Variants in SYNE1 observed in about 807,000 individuals in gnomAD.
SYNE1 encodes spectrin repeat containing nuclear envelope protein 1.
In SYNE1, 616 loss-of-function variants were observed where a neutral mutation model predicts 1,111.0. The ratio of observed to expected loss-of-function variants is 0.55; its 90% CI spans 0.52 to 0.59. The LOEUF is 0.59. Among genes scored for constraint, SYNE1 ranks in the 20% least tolerant of loss-of-function variants. SYNE1 has a pLI of 0.00. For synonymous variants in SYNE1, 3,855 were observed against 3,825.8 expected, an observed-to-expected ratio of 1.01 and a Z score of -0.28; for missense variants, 10,006 against 10,417.0, an observed-to-expected ratio of 0.96 and a Z score of 1.72.
chr6:152,213,798 T>G (rs1181076504), intron 122 of SYNE1, 39 bp from the exon 123 acceptor site: 1 of 1,613,496 alleles, frequency 6.2e-7, no homozygotes, highest in African/African-American at 1.3e-5. Flanking sequence ...GTTATTTCAC[T>G]GCTTATTCTT....
At chr6:152,482,722 T>C (rs2098914602) in intron 14 of SYNE1, among the ~76,000 whole-genome samples, 2 of 152,066 alleles carry the variant, frequency 1.3e-5, no homozygotes, top group African/African-American at 4.8e-5. Context: ...TGCCTTCCTT[T>C]GAGAATGGAG....
intron 11 of SYNE1, among the ~76,000 whole-genome samples, chr6:152,495,370 C>T (rs1208530192): frequency 3.9e-5 from 6 of 152,202 alleles, no homozygotes; most frequent in African/African-American, 1.2e-4. Flanking sequence ...TTTAGCCTCC[C>T]GCTCTACCCA....
At chr6:152,488,610 A>G (rs980809917) in intron 11 of SYNE1, 107 bp from the exon 12 acceptor site, 1 of 679,352 alleles carries the variant, frequency 1.5e-6, no homozygotes, top group Non-Finnish European at 2.5e-6. Flanking sequence ...GTAAGTCCCA[A>G]CTGTCTCTGA....
chr6:152,347,392 T>A (rs961406722), intron 72 of SYNE1, among the ~76,000 whole-genome samples, 157 bp from the exon 73 acceptor site: 9 of 152,260 alleles, frequency 5.9e-5, no homozygotes, highest in Admixed American at 2.6e-4. Flanking sequence ...AAAGCACATG[T>A]ATGTTTTCAG....
At chr6:152,598,461 G>T (rs1410409994) in intron 3 of SYNE1, among the ~76,000 whole-genome samples, 4 of 152,154 alleles carry the variant, frequency 2.6e-5, no homozygotes, top group African/African-American at 9.7e-5. Flanking sequence ...TACAGAAACT[G>T]AATATACACA....
At chr6:152,406,939 A>G in intron 45 of SYNE1, 75 bp downstream of exon 45, 1 of 1,182,676 alleles carries the variant, frequency 8.5e-7, no homozygotes, top group Non-Finnish European at 1.1e-6. Flanking sequence ...AACTTTTAAG[A>G]AAGACTTTTT....
chr6:152,552,813 C>G (rs1215713118), intron 3 of SYNE1, among the ~76,000 whole-genome samples: 1 of 152,132 alleles, frequency 6.6e-6, no homozygotes, highest in Non-Finnish European at 1.5e-5. Flanking sequence ...TGCTTCAGAT[C>G]TAGCGTGGCG....
intron 136 of SYNE1, among the ~76,000 whole-genome samples, chr6:152,149,001 T>C (rs718527): frequency 0.59 from 89,339 of 151,868 alleles, 26,595 homozygotes; most frequent in East Asian, 0.69. Context: ...ATTAGGAAAA[T>C]GGAAGAATGA....
chr6:152,163,366 G>A (rs1361202439), intron 131 of SYNE1, among the ~76,000 whole-genome samples: 1 of 152,108 alleles, frequency 6.6e-6, no homozygotes, highest in Non-Finnish European at 1.5e-5. Context: ...AGGCATGGTG[G>A]TGCATGCCTG....
chr6:152,160,264 C>A (rs1470414361), intron 131 of SYNE1, among the ~76,000 whole-genome samples: 1 of 151,554 alleles, frequency 6.6e-6, no homozygotes, highest in Non-Finnish European at 1.5e-5. Flanking sequence ...ATTTTACAAT[C>A]CTCTCTCTCT....
intron 32 of SYNE1, among the ~76,000 whole-genome samples, chr6:152,440,192 T>C (rs1433739057): frequency 6.6e-6 from 1 of 152,162 alleles, no homozygotes; most frequent in Non-Finnish European, 1.5e-5. Flanking sequence ...TTAACTCCCA[T>C]ATGCCCATAT....
At chr6:152,131,354 A>G in intron 144 of SYNE1, among the ~76,000 whole-genome samples, 1 of 152,026 alleles carries the variant, frequency 6.6e-6, no homozygotes, top group African/African-American at 2.4e-5. Flanking sequence ...AATCCTAAAA[A>G]AGATAATACA....
At chr6:152,145,070 C>T (rs1319759388) in intron 137 of SYNE1, 2 of 287,348 alleles carry the variant, frequency 7.0e-6, no homozygotes, top group Admixed American at 4.7e-5. Flanking sequence ...CCAAAGGTCA[C>T]TCATGCAGGC....
chr6:152,449,477 C>T, intron 28 of SYNE1, 56 bp downstream of exon 28: 2 of 1,271,018 alleles, frequency 1.6e-6, no homozygotes, highest in Non-Finnish European at 2.3e-6. Context: ...GATTCTCTAA[C>T]ATTATTCTTC....
At chr6:152,222,377 T>C (rs1471647332) in intron 117 of SYNE1, among the ~76,000 whole-genome samples, 2 of 152,198 alleles carry the variant, frequency 1.3e-5, no homozygotes, top group East Asian at 1.9e-4. Flanking sequence ...GTGGATCTCT[T>C]TGACACTCAA....
At chr6:152,338,302 C>T (rs1261474630) in intron 75 of SYNE1, among the ~76,000 whole-genome samples, 2 of 151,726 alleles carry the variant, frequency 1.3e-5, no homozygotes, top group African/African-American at 4.8e-5. Context: ...AATTAAATAC[C>T]AAAACTAAGT....
chr6:152,492,499 C>A (rs747818850), intron 11 of SYNE1, among the ~76,000 whole-genome samples: 12 of 152,206 alleles, frequency 7.9e-5, no homozygotes, highest in Non-Finnish European at 1.5e-5. Context: ...TGCTGGAAAT[C>A]TGGCCACTGG....
chr6:152,391,789 G>C (rs557195920), intron 51 of SYNE1, among the ~76,000 whole-genome samples: 21 of 152,192 alleles, frequency 1.4e-4, no homozygotes, highest in Admixed American at 9.2e-4. Flanking sequence ...CATTCAGTCT[G>C]TGCTGTGCCT....
chr6:152,305,422 C>T (rs2095341178), intron 91 of SYNE1, among the ~76,000 whole-genome samples: 1 of 152,114 alleles, frequency 6.6e-6, no homozygotes, highest in Non-Finnish European at 1.5e-5. Flanking sequence ...CCCGTCACCA[C>T]CCAGGCTAAT....
Sources: allele counts gnomAD v4.1 joint callset (sites outside exome capture counted in the v4.1 genomes callset), GRCh38; gene constraint gnomAD v4.1.1; transcripts MANE v1.5; gene names NCBI Gene and HGNC (gene_info 2026-07-23, HGNC 2026-07-21).